Variants in GRIA1 observed in about 807,000 individuals in gnomAD.
GRIA1 encodes glutamate ionotropic receptor AMPA type subunit 1, also known as glutamate receptor 1.
GRIA1 carries 31 observed loss-of-function variants against 99.2 expected under a neutral mutation model. The observed-to-expected ratio is 0.31, with a 90% confidence interval of 0.23 to 0.42. The LOEUF (loss-of-function observed/expected upper bound fraction) is 0.42. GRIA1 is among the 10% of genes least tolerant of loss of function. The probability of loss-of-function intolerance (pLI) is 1.00; values close to 1 mark genes in which losing one functional copy is unlikely to be tolerated. For synonymous variants in GRIA1, 438 were observed against 432.4 expected (o/e 1.01, Z -0.16); for missense variants, 782 against 1,157.5 (o/e 0.68, Z 4.71).
At chr5:153,702,786 G>A (rs994635730) in intron 10 of GRIA1, among the ~76,000 whole-genome samples, 8 of 152,182 alleles carry the variant, frequency 5.3e-5, no homozygotes, top group African/African-American at 1.7e-4. Context: ...GTCCTAAGAT[G>A]TCAGTTTAAG....
At chr5:153,628,081 G>A (rs913123864) in intron 2 of GRIA1, among the ~76,000 whole-genome samples, 2 of 152,208 alleles carry the variant, frequency 1.3e-5, no homozygotes, top group African/African-American at 4.8e-5. Flanking sequence ...ATCAGACATA[G>A]TTAATTCTAA....
At chr5:153,537,732 G>C (rs1434895776) in intron 2 of GRIA1, among the ~76,000 whole-genome samples, 1 of 152,226 alleles carries the variant, frequency 6.6e-6, no homozygotes, top group African/African-American at 2.4e-5. Flanking sequence ...AGCCAGTGAA[G>C]TTGCAAGTTA....
chr5:153,514,095 A>G (rs1312529363), intron 2 of GRIA1, among the ~76,000 whole-genome samples: 2 of 152,208 alleles, frequency 1.3e-5, no homozygotes, highest in Non-Finnish European at 2.9e-5. Flanking sequence ...TCTGAACCCA[A>G]GGAATGCTTT....
chr5:153,685,918 T>A (rs1197041087), intron 7 of GRIA1, among the ~76,000 whole-genome samples: 1 of 152,190 alleles, frequency 6.6e-6, no homozygotes, highest in African/African-American at 2.4e-5. Context: ...AGTGGTTGTG[T>A]GATGGGAGGT....
chr5:153,589,368 G>A (rs1763766219), intron 2 of GRIA1, among the ~76,000 whole-genome samples: 1 of 152,128 alleles, frequency 6.6e-6, no homozygotes, highest in Non-Finnish European at 1.5e-5. Flanking sequence ...ACATTTCAAA[G>A]CTCCTGATGG....
At chr5:153,538,865 A>T (rs1180159609) in intron 2 of GRIA1, among the ~76,000 whole-genome samples, 1 of 152,190 alleles carries the variant, frequency 6.6e-6, no homozygotes, top group Non-Finnish European at 1.5e-5. Context: ...GATGGTTATG[A>T]TCCTCAAAAC....
At chr5:153,507,075 A>G (rs1444834571) in intron 2 of GRIA1, among the ~76,000 whole-genome samples, 1 of 152,184 alleles carries the variant, frequency 6.6e-6, no homozygotes, top group Non-Finnish European at 1.5e-5. Context: ...GTGAGCCAAG[A>G]TCAAGCCACT....
chr5:153,662,852 C>A (rs996558764), intron 5 of GRIA1, among the ~76,000 whole-genome samples: 4 of 152,134 alleles, frequency 2.6e-5, no homozygotes, highest in African/African-American at 4.8e-5. Context: ...AGAGAGGGAG[C>A]TCAGAAGTGC....
At chr5:153,796,557 CTG>C (rs1167370495) in intron 14 of GRIA1, among the ~76,000 whole-genome samples, 5 of 152,290 alleles carry the variant, frequency 3.3e-5, no homozygotes, top group South Asian at 2.1e-4. Context: ...CAGCACCAAA[CTG>C]AGATTTTCTT....
At chr5:153,784,126 T>C (rs1172133514) in intron 13 of GRIA1, among the ~76,000 whole-genome samples, 1 of 152,126 alleles carries the variant, frequency 6.6e-6, no homozygotes, top group Non-Finnish European at 1.5e-5. Flanking sequence ...GAGCATGCAA[T>C]TATTCCCATT....
At chr5:153,601,509 A>G (rs1302865943) in intron 2 of GRIA1, among the ~76,000 whole-genome samples, 1 of 152,228 alleles carries the variant, frequency 6.6e-6, no homozygotes, top group East Asian at 1.9e-4. Flanking sequence ...ATATACTCTC[A>G]CATGTGTGAG....
intron 11 of GRIA1, among the ~76,000 whole-genome samples, chr5:153,719,863 G>A (rs955520200): frequency 5.3e-5 from 8 of 152,076 alleles, no homozygotes; most frequent in African/African-American, 1.4e-4. Context: ...TATGAAGATC[G>A]AATGGAATAA....
At chr5:153,715,784 C>T (rs969708207) in intron 11 of GRIA1, among the ~76,000 whole-genome samples, 2 of 152,132 alleles carry the variant, frequency 1.3e-5, no homozygotes, top group African/African-American at 4.8e-5. Context: ...TATTCAAAAC[C>T]TGACATGAGG....
At chr5:153,669,144 C>T (rs979832099) in intron 5 of GRIA1, among the ~76,000 whole-genome samples, 1 of 152,130 alleles carries the variant, frequency 6.6e-6, no homozygotes, top group Non-Finnish European at 1.5e-5. Context: ...TGCACATTTA[C>T]CTCTTGGAAT....
chr5:153,652,503 T>C (rs1754648052), intron 4 of GRIA1, among the ~76,000 whole-genome samples: 3 of 152,194 alleles, frequency 2.0e-5, no homozygotes, highest in African/African-American at 7.2e-5. Context: ...TAGCATATGA[T>C]AAAAGCAGGA....
In GRIA1 at chr5:153,586,111, G is replaced by A. The variant is rs115855238; in HGVS notation, c.221-60817G>A. Among the ~76,000 whole-genome samples the A allele has an allele frequency of 4.5e-3, 683 of 152,288 alleles. 5 individuals are homozygous for A. The highest frequency in any genetic ancestry group is 0.016 in the African/African-American group (664 of 41,562). On this transcript the variant is annotated intron_variant, in intron 2 of 15. Transcript: ENST00000285900. ...AGAGATATACACAGTCCACTCTTGT[G>A]AGCCACTATGCACCAGCTCTGACAT... is the stretch of plus-strand genomic sequence containing the variant.
At chr5:153,572,494 G>C (rs981849108) in intron 2 of GRIA1, among the ~76,000 whole-genome samples, 1 of 152,140 alleles carries the variant, frequency 6.6e-6, no homozygotes, top group African/African-American at 2.4e-5. Flanking sequence ...TTTTGAGACA[G>C]ATTCTGAGAC....
rs759869972 is a variant in GRIA1, at chr5:153,705,967, G to C, written c.1723G>C (p.Asp575His). Residue 575 changes from aspartate to histidine, a missense_variant, in exon 11 of 16, where the codon GAC becomes CAC. Asp to His is a moderately conservative substitution (Grantham distance 81). Transcript: ENST00000285900. ...WHSEEFEEGRDQTTSDQSNEF... is the reference protein window; with the variant it reads ...WHSEEFEEGRHQTTSDQSNEF... ...CAGTGAAGAGTTTGAGGAAGGACGG[G>C]ACCAGACAACCAGTGACCAGTCCAA... 6.2e-7 allele frequency: 1 copy of C among 1,614,008 alleles called. No homozygotes were observed. Among genetic ancestry groups the C allele is most frequent in the Non-Finnish European group, 8.5e-7 (1 of 1,180,004 alleles).
chr5:153,523,850 G>C (rs1243317811), intron 2 of GRIA1, among the ~76,000 whole-genome samples: 1 of 152,144 alleles, frequency 6.6e-6, no homozygotes, highest in African/African-American at 2.4e-5. Flanking sequence ...TGAATTATTA[G>C]TAATCACCAG....
Sources: allele counts gnomAD v4.1 joint callset (sites outside exome capture counted in the v4.1 genomes callset), GRCh38; gene constraint gnomAD v4.1.1; transcripts MANE v1.5; gene names NCBI Gene and HGNC (gene_info 2026-07-23, HGNC 2026-07-21).